MED12L: variants seen among roughly 807,000 people sequenced by gnomAD.
MED12L encodes mediator of RNA polymerase II transcription subunit 12-like protein.
Under a neutral mutation model 281.3 loss-of-function variants are expected in MED12L, and 60 were observed. The ratio of observed to expected loss-of-function variants is 0.21; its 90% CI spans 0.17 to 0.26. The LOEUF (loss-of-function observed/expected upper bound fraction) is 0.26, where lower values mean the gene tolerates loss of function less well. MED12L is among the 10% of genes least tolerant of loss of function. The pLI, the probability that MED12L is intolerant of heterozygous loss-of-function variation, is 1.00. For synonymous variants in MED12L, 974 were observed against 987.2 expected (o/e 0.99, Z 0.25); for missense variants, 2,146 against 2,680.9 (o/e 0.80, Z 4.41).
At chr3:151,380,489 C>T (rs1410303575) in intron 32 of MED12L, among the ~76,000 whole-genome samples, 1 of 150,868 alleles carries the variant, frequency 6.6e-6, no homozygotes, top group Admixed American at 6.6e-5. Context: ...CCCAGCTACT[C>T]GGGAGGCCAA....
rs66791814 is a variant in MED12L, at chr3:151,435,062, C to CTTTTTTTTTTTTTTTTTTTTTT, written c.*2278_*2279insTTTTTTTTTTTTTTTTTTTTTT. On this transcript the variant is annotated 3_prime_UTR_variant, in exon 45 of 45. Transcript: ENST00000687756. ...GTTAATTCTGTATCTTGAGAGGTTT[C>CTTTTTTTTTTTTTTTTTTTTTT]TTTTTTTTTTTTTTTTTTTTCTTTT... 2.5e-5 allele frequency: 3 copies of CTTTTTTTTTTTTTTTTTTTTTT among 119,084 alleles called. No homozygotes were observed. Among genetic ancestry groups the CTTTTTTTTTTTTTTTTTTTTTT allele is most frequent in the African/African-American group, 3.1e-5 (1 of 32,440 alleles). The allele number at this position is 119,084 out of a possible 1,614,324, so 7.4% of individuals were successfully genotyped here. A position where few individuals can be genotyped will look rare whatever the true frequency, so the allele number is the denominator to read the frequency against.
intron 16 of MED12L, chr3:151,328,616 C>G: frequency 6.2e-7 from 1 of 1,613,740 alleles, no homozygotes; most frequent in Non-Finnish European, 8.5e-7. Context: ...TCTCAAAGGT[C>G]TGATGATCTT....
chr3:151,167,871 G>A (rs1720922878), intron 11 of MED12L, among the ~76,000 whole-genome samples: 1 of 152,176 alleles, frequency 6.6e-6, no homozygotes, highest in Non-Finnish European at 1.5e-5. Flanking sequence ...AAGGAAAGTA[G>A]GGATACCCAA....
chr3:151,358,113 T>A (rs900688236), intron 20 of MED12L, among the ~76,000 whole-genome samples: 2 of 152,150 alleles, frequency 1.3e-5, no homozygotes, highest in African/African-American at 4.8e-5. Context: ...GTACCTTTTA[T>A]TTTTTTAATC....
chr3:151,192,439 C>A, intron 14 of MED12L, 111 bp from the exon 15 acceptor site: 1 of 779,060 alleles, frequency 1.3e-6, no homozygotes, highest in Admixed American at 2.2e-5. Context: ...GAAAACAATA[C>A]GGGGAACAAA....
chr3:151,329,013 A>C (rs1485779518), intron 16 of MED12L: 2 of 1,563,546 alleles, frequency 1.3e-6, no homozygotes, highest in Non-Finnish European at 1.7e-6. Context: ...GTCACCTGTT[A>C]CCAATAAACA....
intron 43 of MED12L, among the ~76,000 whole-genome samples, chr3:151,417,487 CTTTTTTTTTT>C (rs56128844): frequency 5.1e-5 from 4 of 78,818 alleles, no homozygotes; most frequent in Non-Finnish European, 9.2e-5. Context: ...CCCCCCCCGC[CTTTTTTTTTT>C]TTTTTTTTTG....
At chr3:151,339,968 G>A (rs541491135) in intron 16 of MED12L, among the ~76,000 whole-genome samples, 8 of 151,956 alleles carry the variant, frequency 5.3e-5, no homozygotes, top group East Asian at 1.9e-4. Context: ...AATAACTTTC[G>A]TGTAAAAGAT....
Position 151,436,615 on chromosome 3 carries a change from C to G in MED12L, c.*3811C>G. ...AATGTATTCAAATTCATTTACATGC[C>G]TATGGCTGCCTTTGATTAAACTTCT... On this transcript the variant is annotated 3_prime_UTR_variant, in exon 45 of 45. Transcript: ENST00000687756. 1 of 1,014,032 alleles carries G rather than the reference C, an allele frequency of 9.9e-7. No individual in the cohort carries two copies. The highest frequency in any genetic ancestry group is 1.5e-6 in the Non-Finnish European group (1 of 678,822). The allele number at this position is 1,014,032 out of a possible 1,614,324, so 62.8% of individuals were successfully genotyped here.
intron 4 of MED12L, 22 bp downstream of exon 4, chr3:151,122,996 GT>G: frequency 6.4e-7 from 1 of 1,554,980 alleles, no homozygotes; most frequent in Non-Finnish European, 8.8e-7. Context: ...TTCTTACATT[GT>G]TTTAGTTATG....
intron 30 of MED12L, 77 bp downstream of exon 30, chr3:151,377,255 T>C: frequency 8.2e-7 from 1 of 1,216,130 alleles, no homozygotes; most frequent in Non-Finnish European, 1.2e-6. Flanking sequence ...GCACAGTGAT[T>C]TTTCTTTAAG....
chr3:151,392,415 A>G (rs1251160157), intron 38 of MED12L, among the ~76,000 whole-genome samples: 4 of 145,984 alleles, frequency 2.7e-5, no homozygotes, highest in Admixed American at 1.4e-4. Flanking sequence ...GCTTGAACTG[A>G]GATTGCATCA....
At chr3:151,277,016 C>T (rs762647277) in intron 16 of MED12L, among the ~76,000 whole-genome samples, 3 of 152,204 alleles carry the variant, frequency 2.0e-5, no homozygotes, top group Non-Finnish European at 4.4e-5. Flanking sequence ...CCTGCCTCAG[C>T]CTCCTGAGTA....
intron 32 of MED12L, among the ~76,000 whole-genome samples, chr3:151,380,986 A>G (rs1712228258): frequency 6.6e-6 from 1 of 152,216 alleles, no homozygotes; most frequent in African/African-American, 2.4e-5. Context: ...ATCAGAAGGC[A>G]TGTTGGTTTA....
In MED12L at chr3:151,156,335, C is replaced by T. The variant is rs1300422433; in HGVS notation, c.726+5C>T. 1 of 1,599,296 alleles carries T rather than the reference C, an allele frequency of 6.3e-7. No homozygotes were observed. Among genetic ancestry groups the T allele is most frequent in the Admixed American group, 1.8e-5 (1 of 57,126 alleles). ...CTAGCATTTCACATGTTCCAGGTAA[C>T]CTTTTGAAGACATGCAGAGTTGTGT... On this transcript the variant is annotated splice_donor_5th_base_variant and intron_variant, in intron 6 of 44. Coordinates refer to ENST00000687756, the MANE Select transcript of MED12L (RefSeq NM_001393769.1).
chr3:151,228,547 T>A (rs928164892), intron 16 of MED12L, among the ~76,000 whole-genome samples: 8 of 152,214 alleles, frequency 5.3e-5, no homozygotes, highest in Non-Finnish European at 1.2e-4. Context: ...CAGAGTGCTC[T>A]GAGCTTCCTC....
intron 16 of MED12L, among the ~76,000 whole-genome samples, chr3:151,197,431 AG>A (rs1183075324): frequency 6.6e-6 from 1 of 152,094 alleles, no homozygotes. Flanking sequence ...AAAGTGTGTG[AG>A]CCACCACGCC....
intron 36 of MED12L, among the ~76,000 whole-genome samples, chr3:151,385,458 G>GTAAA (rs1713168591): frequency 6.6e-6 from 1 of 151,930 alleles, no homozygotes; most frequent in African/African-American, 2.4e-5. Flanking sequence ...AGAAAACTAA[G>GTAAA]TAAAAGCTTA....
At chr3:151,399,690 T>G (rs62285911) in intron 39 of MED12L, among the ~76,000 whole-genome samples, 10,223 of 152,258 alleles carry the variant, frequency 0.067, 514 homozygotes, top group Middle Eastern at 0.18. Flanking sequence ...TTTAATTATT[T>G]TCCACTCATT....
Sources: allele counts gnomAD v4.1 joint callset (sites outside exome capture counted in the v4.1 genomes callset), GRCh38; gene constraint gnomAD v4.1.1; transcripts MANE v1.5; gene names NCBI Gene and HGNC (gene_info 2026-07-23, HGNC 2026-07-21).